Variants in UBR3 observed in about 807,000 individuals in gnomAD.
The protein encoded by UBR3 is E3 ubiquitin-protein ligase UBR3.
UBR3 carries 85 observed loss-of-function variants against 243.2 expected under a neutral mutation model. The ratio of observed to expected loss-of-function variants is 0.35; its 90% CI spans 0.29 to 0.42. The LOEUF is 0.42. UBR3 is among the 10% of genes least tolerant of loss of function. UBR3 has a pLI of 1.00. For synonymous variants in UBR3, 748 were observed against 799.8 expected (o/e 0.94, Z 1.09); for missense variants, 1,686 against 2,300.8 (o/e 0.73, Z 5.47).
rs1366145823 is a variant in UBR3 at position 169,831,136 on chromosome 2, T to A, written c.545+3084T>A. Among the ~76,000 whole-genome samples the A allele has an allele frequency of 8.7e-3, 899 of 103,604 alleles. 7 individuals are homozygous for A. The highest frequency in any genetic ancestry group is 0.015 in the African/African-American group (407 of 26,440). The allele number at this position is 103,604 out of a possible 152,430, so 68.0% of individuals were successfully genotyped here. On this transcript the variant is annotated intron_variant, in intron 1 of 38. Coordinates refer to ENST00000272793, the MANE Select transcript of UBR3 (RefSeq NM_172070.4). ...ATATATATATATATATATTTTTTTTTTTTTTTTTTTTTTTTTTTTGAGAGA... is the reference window on the plus strand; with the variant it reads ...ATATATATATATATATATTTTTTTTATTTTTTTTTTTTTTTTTTTGAGAGA...
chr2:169,863,775 G>T (rs1258172840), intron 1 of UBR3, among the ~76,000 whole-genome samples: 2 of 152,190 alleles, frequency 1.3e-5, no homozygotes, highest in Non-Finnish European at 2.9e-5. Flanking sequence ...CATTGCTGAT[G>T]AAGTGACATG....
At chr2:170,022,931 C>G (rs1425043058) in intron 30 of UBR3, among the ~76,000 whole-genome samples, 1 of 152,032 alleles carries the variant, frequency 6.6e-6, no homozygotes, top group Non-Finnish European at 1.5e-5. Context: ...AGAGCTCTTT[C>G]CCATCTCTTC....
At chr2:169,890,551 A>ATATGTGTG (rs1410379271) in intron 5 of UBR3, among the ~76,000 whole-genome samples, 8 of 102,040 alleles carry the variant, frequency 7.8e-5, no homozygotes, top group South Asian at 3.2e-4. Context: ...ATATATATAT[A>ATATGTGTG]TATATATATA....
chr2:169,854,486 A>G (rs915352913), intron 1 of UBR3, among the ~76,000 whole-genome samples: 1 of 152,194 alleles, frequency 6.6e-6, no homozygotes, highest in Non-Finnish European at 1.5e-5. Flanking sequence ...TCATTGAGAA[A>G]GTGGGAAGTG....
At chr2:169,949,316 T>A (rs2086914019) in intron 22 of UBR3, among the ~76,000 whole-genome samples, 5 of 152,080 alleles carry the variant, frequency 3.3e-5, no homozygotes, top group Admixed American at 6.6e-5. Flanking sequence ...AGTTTATGAT[T>A]CTCTTTAATA....
At chr2:170,017,824 A>G (rs1272425122) in intron 30 of UBR3, among the ~76,000 whole-genome samples, 1 of 152,234 alleles carries the variant, frequency 6.6e-6, no homozygotes, top group Non-Finnish European at 1.5e-5. Context: ...ATAGCAGCAT[A>G]GTATGGTATT....
At chr2:169,900,720 A>G (rs530172828) in intron 8 of UBR3, among the ~76,000 whole-genome samples, 1 of 151,424 alleles carries the variant, frequency 6.6e-6, no homozygotes, top group South Asian at 2.1e-4. Flanking sequence ...ATATTTGGGA[A>G]CAAGATGAGT....
At chr2:169,999,908 C>A (rs571067701) in intron 26 of UBR3, among the ~76,000 whole-genome samples, 1 of 152,096 alleles carries the variant, frequency 6.6e-6, no homozygotes, top group South Asian at 2.1e-4. Context: ...TGGATCACTC[C>A]CTGAGGTCGG....
intron 1 of UBR3, among the ~76,000 whole-genome samples, chr2:169,864,493 G>A (rs1187643490): frequency 6.6e-6 from 1 of 152,138 alleles, no homozygotes; most frequent in East Asian, 1.9e-4. Flanking sequence ...GCCAGGCACA[G>A]TGTCTCATGC....
At chr2:170,052,837 C>G (rs2091250958) in intron 32 of UBR3, among the ~76,000 whole-genome samples, 1 of 152,148 alleles carries the variant, frequency 6.6e-6, no homozygotes, top group Non-Finnish European at 1.5e-5. Flanking sequence ...CTTAAGTATT[C>G]TCAGTGCACA....
At chr2:170,040,826 A>G (rs2090949236) in intron 31 of UBR3, 56 bp from the exon 32 acceptor site, 2 of 1,295,990 alleles carry the variant, frequency 1.5e-6, no homozygotes, top group South Asian at 2.6e-5. Context: ...CATATAAAAT[A>G]AATTAGAAAG....
rs1008420531 is a variant in UBR3, at chr2:170,015,467, T to C, written c.4453+101T>C. On this transcript the variant is annotated intron_variant, in intron 30 of 38. Transcript: ENST00000272793. ...GGTATATTTCAAATTTTGTCTGTTA[T>C]ATATGATCTATTTAGATAGTGATAT... The C allele has an allele frequency of 6.3e-6, 5 of 792,580 alleles. No individual in the cohort carries two copies. In the South Asian group the frequency reaches 7.0e-5, roughly 11 times the overall value. The allele number at this position is 792,580 out of a possible 1,614,324, so 49.1% of individuals were successfully genotyped here.
At chr2:170,055,316 T>G (rs913236220) in intron 32 of UBR3, 144 bp from the exon 33 acceptor site, 5 of 863,166 alleles carry the variant, frequency 5.8e-6, no homozygotes, top group Admixed American at 2.8e-5. Flanking sequence ...GACTGAGACC[T>G]CGTCTCAAAA....
chr2:169,847,541 C>T (rs1574035893), intron 1 of UBR3, among the ~76,000 whole-genome samples: 1 of 152,146 alleles, frequency 6.6e-6, no homozygotes, highest in Admixed American at 6.5e-5. Flanking sequence ...TTAATAAACC[C>T]CTGAATATAA....
At chr2:170,065,076 C>G (rs1488760260) in intron 35 of UBR3, among the ~76,000 whole-genome samples, 1 of 152,056 alleles carries the variant, frequency 6.6e-6, no homozygotes. Flanking sequence ...CTCTGGACCT[C>G]AGGCGATCTG....
chr2:169,946,311 G>C lies in UBR3; in HGVS notation c.2829G>C (p.Leu943=), dbSNP rs752555267. 5.3e-5 allele frequency: 80 copies of C among 1,498,958 alleles called. No homozygotes were observed. The Middle Eastern group carries it at 1.9e-3, about 36-fold the overall frequency. The allele number at this position is 1,498,958 out of a possible 1,614,324, so 92.9% of individuals were successfully genotyped here. A position where few individuals can be genotyped will look rare whatever the true frequency, so the allele number is the denominator to read the frequency against. ...LYKILMDHQN[L]SEHVLCMVLY... ...AGATTTTGATGGATCATCAAAATCT[G>C]TCAGAACATGTACTCTGCATGGTTT... The change falls in exon 21 of 39, where the codon CTG becomes CTC. Residue 943 remains leucine (L), a synonymous_variant. Coordinates refer to ENST00000272793, the MANE Select transcript of UBR3 (RefSeq NM_172070.4).
At chr2:169,986,509 T>C in intron 24 of UBR3, 136 bp from the exon 25 acceptor site, 1 of 691,340 alleles carries the variant, frequency 1.4e-6, no homozygotes, top group African/African-American at 1.8e-5. Flanking sequence ...AAGGTTATTT[T>C]TTCCACAGTT....
intron 18 of UBR3, among the ~76,000 whole-genome samples, chr2:169,929,891 A>ATTATT (rs1490512057): frequency 2.0e-5 from 3 of 152,332 alleles, no homozygotes; most frequent in Middle Eastern, 6.8e-3. Context: ...TGTAAATAAT[A>ATTATT]TACACTGTAC....
intron 36 of UBR3, 134 bp downstream of exon 36, chr2:170,073,741 TTTAC>T: frequency 3.4e-6 from 3 of 876,682 alleles, no homozygotes; most frequent in African/African-American, 1.7e-5. Context: ...GAAAAAATTG[TTTAC>T]TTATGTAGAT....
Sources: allele counts gnomAD v4.1 joint callset (sites outside exome capture counted in the v4.1 genomes callset), GRCh38; gene constraint gnomAD v4.1.1; transcripts MANE v1.5; gene names NCBI Gene and HGNC (gene_info 2026-07-23, HGNC 2026-07-21).